UBR3: variants seen among roughly 807,000 people sequenced by gnomAD.
UBR3 encodes the protein E3 ubiquitin-protein ligase UBR3.
A neutral mutation model predicts 243.2 loss-of-function variants in UBR3; 85 were observed. The observed-to-expected ratio is 0.35, with a 90% confidence interval of 0.29 to 0.42. UBR3 has a LOEUF of 0.42. Among genes scored for constraint, UBR3 ranks in the 10% least tolerant of loss-of-function variants. The pLI is 1.00. For missense variants in UBR3, 1,686 were observed against 2,300.8 expected (o/e 0.73, Z 5.47); for synonymous variants, 748 against 799.8 (o/e 0.94, Z 1.09).
chr2:170,033,913 A>G (rs1210835228), intron 31 of UBR3, among the ~76,000 whole-genome samples: 1 of 151,804 alleles, frequency 6.6e-6, no homozygotes. Context: ...TATCCATAGA[A>G]TCAACAGTTG....
At chr2:169,870,409 A>G (rs1297502853) in intron 1 of UBR3, among the ~76,000 whole-genome samples, 1 of 152,172 alleles carries the variant, frequency 6.6e-6, no homozygotes, top group East Asian at 1.9e-4. Context: ...GATTACAGGC[A>G]TGAGCCACCA....
intron 30 of UBR3, among the ~76,000 whole-genome samples, chr2:170,024,412 G>A (rs1269968986): frequency 3.3e-5 from 5 of 150,994 alleles, no homozygotes; most frequent in South Asian, 2.1e-4. Flanking sequence ...CACAGTTTCC[G>A]GGATGGTACT....
chr2:169,997,686 G>A (rs1398465353), intron 26 of UBR3, among the ~76,000 whole-genome samples: 2 of 152,084 alleles, frequency 1.3e-5, no homozygotes, highest in African/African-American at 4.8e-5. Flanking sequence ...CAGAGAGTGA[G>A]CAAGGCAGAG....
intron 9 of UBR3, among the ~76,000 whole-genome samples, chr2:169,905,597 A>C (rs2084982960): frequency 6.6e-6 from 1 of 152,056 alleles, no homozygotes; most frequent in African/African-American, 2.4e-5. Context: ...CTGGTCTAGT[A>C]CTCCTGGGCT....
chr2:169,970,414 G>A (rs951283807), intron 24 of UBR3, among the ~76,000 whole-genome samples: 4 of 136,544 alleles, frequency 2.9e-5, no homozygotes, highest in East Asian at 2.2e-4. Flanking sequence ...ATGCTGGTGC[G>A]CTGCACCCAC....
At position 170,061,327 on chromosome 2, in the gene UBR3, A is replaced by C. The variant is rs754763909; in HGVS notation, c.4903A>C (p.Ile1635Leu). The part of the protein sequence containing the change: ...GTQECAMVNP[I>L]AWSPESMEKC... ...TCTTTTTTAACTTTAGGTTAACCCT[A>C]TTGCTTGGTCTCCTGAATCCATGGA... The change falls in exon 35 of 39, where the codon ATT (isoleucine) becomes CTT (leucine). Residue 1635 changes from isoleucine to leucine, a missense_variant. This residue lies in a region of UBR3 where 371 missense variants were observed against 422.5 expected (regional missense o/e 0.88). Transcript: ENST00000272793. 1 of 1,613,982 alleles carries C rather than the reference A, an allele frequency of 6.2e-7. No homozygotes were observed. Among genetic ancestry groups the C allele is most frequent in the Non-Finnish European group, 8.5e-7 (1 of 1,179,952 alleles).
intron 24 of UBR3, among the ~76,000 whole-genome samples, chr2:169,974,133 T>A (rs1443080641): frequency 6.6e-6 from 1 of 152,180 alleles, no homozygotes; most frequent in Non-Finnish European, 1.5e-5. Flanking sequence ...TGGCTTATAG[T>A]TTTTTTGTTA....
intron 24 of UBR3, among the ~76,000 whole-genome samples, chr2:169,969,840 C>T (rs534850295): frequency 1.9e-4 from 25 of 132,764 alleles, no homozygotes; most frequent in Non-Finnish European, 3.0e-4. Flanking sequence ...TGAGCCACCA[C>T]GCCCGGCCTG....
At chr2:169,841,949 A>C (rs2082308119) in intron 1 of UBR3, among the ~76,000 whole-genome samples, 1 of 152,180 alleles carries the variant, frequency 6.6e-6, no homozygotes, top group African/African-American at 2.4e-5. Flanking sequence ...AGGCAGCTCC[A>C]CCTGTAGCCC....
At chr2:170,008,694 C>G in intron 28 of UBR3, 110 bp from the exon 29 acceptor site, 1 of 594,772 alleles carries the variant, frequency 1.7e-6, no homozygotes, top group Non-Finnish European at 2.7e-6. Flanking sequence ...TCTGTTTTGA[C>G]TTTTTAATTT....
intron 26 of UBR3, among the ~76,000 whole-genome samples, chr2:169,998,237 G>C (rs2089568183): frequency 6.6e-6 from 1 of 152,170 alleles, no homozygotes; most frequent in South Asian, 2.1e-4. Context: ...CTAGACCTAA[G>C]AGCATAATAA....
Position 169,902,098 on chromosome 2 carries a change from ACTGT to A in UBR3, c.1466-3013_1466-3010del, listed in dbSNP as rs1382831845. Reference sequence around the variant, plus strand: ...GCACATGAATGTGTGTTTTGATTCCACTGTCTAACTATCTAAACAGCTGTGCAGC... The same window carrying A: ...GCACATGAATGTGTGTTTTGATTCCACTAACTATCTAAACAGCTGTGCAGC... On this transcript the variant is annotated intron_variant, in intron 8 of 38. Coordinates refer to ENST00000272793, the MANE Select transcript of UBR3 (RefSeq NM_172070.4). Among the ~76,000 whole-genome samples, 10 of 152,278 alleles carry A rather than the reference ACTGT, an allele frequency of 6.6e-5. No homozygotes were observed. In the South Asian group the frequency reaches 1.2e-3, roughly 19 times the overall value.
At chr2:169,926,568 G>C in intron 14 of UBR3, 124 bp from the exon 15 acceptor site, 1 of 1,028,318 alleles carries the variant, frequency 9.7e-7, no homozygotes, top group Non-Finnish European at 1.4e-6. Context: ...TTGGGTGAGA[G>C]TGAGACTCTG....
At chr2:169,859,002 A>G (rs912481549) in intron 1 of UBR3, among the ~76,000 whole-genome samples, 1 of 150,382 alleles carries the variant, frequency 6.6e-6, no homozygotes, top group African/African-American at 2.5e-5. Flanking sequence ...ATAATGAATC[A>G]GTTTCTTCTG....
chr2:170,010,383 TG>T (rs2090048353), intron 29 of UBR3, among the ~76,000 whole-genome samples: 1 of 152,236 alleles, frequency 6.6e-6, no homozygotes, highest in African/African-American at 2.4e-5. Flanking sequence ...ACATTTATGT[TG>T]CTCATTTATT....
At chr2:169,830,923 C>T (rs376694624) in intron 1 of UBR3, among the ~76,000 whole-genome samples, 80 of 151,368 alleles carry the variant, frequency 5.3e-4, no homozygotes, top group African/African-American at 1.9e-3. Flanking sequence ...GAAGTCTGAT[C>T]GCTTGTGATG....
In UBR3 at chr2:169,949,645, G is replaced by A. The variant is rs756507387; in HGVS notation, c.3125G>A (p.Arg1042His). The A allele has an allele frequency of 5.8e-6, 9 of 1,550,170 alleles. No homozygotes were observed. The highest frequency in any genetic ancestry group is 7.0e-6 in the Non-Finnish European group (8 of 1,146,254). Residue 1042 changes from arginine to histidine, a missense_variant, in exon 23 of 39, where the codon CGT becomes CAT. Arg to His is a conservative substitution (Grantham distance 29). This residue lies in a region of UBR3 where 300 missense variants were observed against 314.4 expected (regional missense o/e 0.95). Coordinates refer to ENST00000272793, the MANE Select transcript of UBR3 (RefSeq NM_172070.4). Reference protein sequence around the residue: ...TAQVFSLVAERRKKFQEIINR... With the variant: ...TAQVFSLVAEHRKKFQEIINR... The stretch of plus-strand genomic sequence containing the variant: ...CAAGTTTTCAGTTTAGTAGCAGAAC[G>A]TAGAAAGAAATTTCAGGAAATCATC...
At chr2:169,834,312 A>G (rs1215729599) in intron 1 of UBR3, among the ~76,000 whole-genome samples, 1 of 152,224 alleles carries the variant, frequency 6.6e-6, no homozygotes, top group East Asian at 1.9e-4. Context: ...TTTTGCGGTC[A>G]GTCCCTACTG....
chr2:170,033,448 G>A (rs1487695451), intron 31 of UBR3, among the ~76,000 whole-genome samples: 1 of 151,748 alleles, frequency 6.6e-6, no homozygotes, highest in African/African-American at 2.4e-5. Context: ...CATAGCTGTT[G>A]AGGAACGGAG....
Sources: gnomAD v4.1 joint callset for allele counts (sites outside exome capture counted in the v4.1 genomes callset) on GRCh38, gnomAD v4.1.1 for gene constraint, gnomAD v4.1.1 regional missense constraint, MANE v1.5 for transcripts, NCBI Gene and HGNC (gene_info 2026-07-23, HGNC 2026-07-21) for gene names.